Variants in PIANP observed in about 807,000 individuals in gnomAD.
PIANP encodes the protein PILR alpha-associated neural protein.
Under a neutral mutation model 28.9 loss-of-function variants are expected in PIANP, and 14 were observed. The observed-to-expected ratio is 0.49, with a 90% CI of 0.32 to 0.76. The LOEUF (loss-of-function observed/expected upper bound fraction) is 0.76. Among genes scored for constraint, PIANP ranks in the 30% least tolerant of loss-of-function variants. The pLI, the probability that PIANP is intolerant of heterozygous loss-of-function variation, is 0.03. For synonymous variants in PIANP, 149 were observed against 156.6 expected (o/e 0.95, Z 0.36); for missense variants, 322 against 371.8 (o/e 0.87, Z 1.10).
rs999402293 is a variant in PIANP at position 6,700,428 on chromosome 12, G to A, written c.-44+186C>T. On this transcript the variant is annotated intron_variant, in intron 1 of 4. Coordinates refer to ENST00000534837, the MANE Select transcript of PIANP (RefSeq NM_001244014.2). This position sits in a 1 kb window ranked among gnomAD's most constrained non-coding sequence, Gnocchi z 5.5. ...CGGGGACGGGGACGGCTGCGCCAGG[G>A]AGGGCGGGAGCGAGCCAGGACCGCG... The A allele has an allele frequency of 2.4e-4, 37 of 152,370 alleles. No homozygotes were observed. The highest frequency in any genetic ancestry group is 8.9e-4 in the African/African-American group (37 of 41,428). 9.4% of individuals were successfully genotyped at this position (152,370 alleles called of 1,614,324 possible).
Position 6,695,762 on chromosome 12 carries a change from C to A in PIANP, c.606-111G>T, listed in dbSNP as rs1055239158. On this transcript the variant is annotated intron_variant, in intron 4 of 4. Transcript: ENST00000534837. The surrounding 1 kb of genome is among the most constrained non-coding windows in gnomAD (Gnocchi z 4.2). ...CCCAGTCACTCCCAACATCTTATAG[C>A]AGAGAAACTGGCCTTTAACAGTTCT... The A allele has an allele frequency of 4.1e-6, 5 of 1,229,176 alleles. No individual in the cohort carries two copies. The highest frequency in any genetic ancestry group is 5.2e-6 in the Non-Finnish European group (5 of 956,240). 76.1% of individuals were successfully genotyped at this position (1,229,176 alleles called of 1,614,324 possible).
Position 6,696,783 on chromosome 12 carries a change from C to A in PIANP, c.524-259G>T, listed in dbSNP as rs188836221. 1.1e-3 allele frequency among the ~76,000 whole-genome samples: 168 copies of A among 152,328 alleles called. No homozygotes were observed. Among genetic ancestry groups the A allele is most frequent in the Non-Finnish European group, 1.4e-3 (94 of 68,038 alleles). On this transcript the variant is annotated intron_variant, in intron 3 of 4. Transcript: ENST00000534837. This position sits in a 1 kb window ranked among gnomAD's most constrained non-coding sequence, Gnocchi z 4.0. ...TGTGATGAGGATGAGGCCCCATGAT[C>A]AGCGAGAACCTATCACTATGCCTGG...
intron 1 of PIANP, chr12:6,698,337 C>A (rs1959941435): frequency 1.8e-6 from 1 of 570,428 alleles, no homozygotes. Context: ...TACCTCTCCA[C>A]CCCAGGGTCT....
At position 6,695,065 on chromosome 12, in the gene PIANP, G is replaced by A; in HGVS notation, c.*361C>T. 1 of 1,575,972 alleles carries A rather than the reference G, an allele frequency of 6.3e-7. No individual in the cohort carries two copies. The highest frequency in any genetic ancestry group is 1.2e-5 in the South Asian group (1 of 85,704). ...AGATTCACCAGGGGAATCCTGAGAG[G>A]AAGAGGGAAAGGGCACAGTCAGGAA... On this transcript the variant is annotated 3_prime_UTR_variant, in exon 5 of 5. Transcript: ENST00000534837. The surrounding 1 kb of genome is among the most constrained non-coding windows in gnomAD (Gnocchi z 4.2).
At chr12:6,693,292 C>T (rs1382182796), downstream of PIANP, among the ~76,000 whole-genome samples, 1 of 152,010 alleles carries the variant, frequency 6.6e-6, no homozygotes, top group East Asian at 1.9e-4. Context: ...TGATTCTGCA[C>T]AGCTTTTGGG....
Position 6,697,218 on chromosome 12 carries a change from A to G in PIANP, c.523+69T>C. The G allele has an allele frequency of 3.2e-6, 5 of 1,578,688 alleles. No homozygotes were observed. The highest frequency in any genetic ancestry group is 4.3e-6 in the Non-Finnish European group (5 of 1,166,762). On this transcript the variant is annotated intron_variant, in intron 3 of 4. Coordinates refer to ENST00000534837, the MANE Select transcript of PIANP (RefSeq NM_001244014.2). This position sits in a 1 kb window ranked among gnomAD's most constrained non-coding sequence, Gnocchi z 6.9. The stretch of plus-strand genomic sequence containing the variant: ...GAAGGAGCTAACAGACAAGGCCTCT[A>G]TTTCTGCCCCTTGGTGTCTTCACCC...
intron 1 of PIANP, among the ~76,000 whole-genome samples, chr12:6,698,681 G>A (rs1408996138): frequency 6.6e-6 from 1 of 152,194 alleles, no homozygotes; most frequent in African/African-American, 2.4e-5. Context: ...AGAGAGAGGT[G>A]AGTGGGAGAA....
At position 6,700,338 on chromosome 12, in the gene PIANP, T is replaced by TG. The variant is rs530044520; in HGVS notation, c.-44+275dup. 6.6e-6 allele frequency: 1 copy of TG among 152,322 alleles called. No individual in the cohort carries two copies. Among genetic ancestry groups the TG allele is most frequent in the East Asian group, 1.9e-4 (1 of 5,146 alleles). 9.4% of individuals were successfully genotyped at this position (152,322 alleles called of 1,614,324 possible). A position where few individuals can be genotyped will look rare whatever the true frequency, so the allele number is the denominator to read the frequency against. On this transcript the variant is annotated intron_variant, in intron 1 of 4. Coordinates refer to ENST00000534837, the MANE Select transcript of PIANP (RefSeq NM_001244014.2). This position sits in a 1 kb window ranked among gnomAD's most constrained non-coding sequence, Gnocchi z 5.5. ...GAGGCAGGGAGTGCCGAGAGCGGACTGGGGACCCGAAGCAGGAGACTGCGC... is the reference window on the plus strand; with the variant it reads ...GAGGCAGGGAGTGCCGAGAGCGGACTGGGGGACCCGAAGCAGGAGACTGCGC...
downstream of PIANP, among the ~76,000 whole-genome samples, chr12:6,692,886 T>A (rs187183777): frequency 6.6e-6 from 1 of 152,158 alleles, no homozygotes; most frequent in East Asian, 1.9e-4. Context: ...ACACAGACAT[T>A]CCTAACCTAG....
Position 6,695,335 on chromosome 12 carries a change from C to G in PIANP, c.*91G>C. On this transcript the variant is annotated 3_prime_UTR_variant, in exon 5 of 5. Coordinates refer to ENST00000534837, the MANE Select transcript of PIANP (RefSeq NM_001244014.2). This position sits in a 1 kb window ranked among gnomAD's most constrained non-coding sequence, Gnocchi z 4.2. ...GGGCTGTGGGAGGCCACGCCTGCCTCCTCACTACCCATCCAGAGGGCACCC... is the reference window on the plus strand; with the variant it reads ...GGGCTGTGGGAGGCCACGCCTGCCTGCTCACTACCCATCCAGAGGGCACCC... 2.1e-6 allele frequency: 3 copies of G among 1,404,462 alleles called. No homozygotes were observed. Among genetic ancestry groups the G allele is most frequent in the Non-Finnish European group, 2.8e-6 (3 of 1,074,450 alleles). 87.0% of individuals were successfully genotyped at this position (1,404,462 alleles called of 1,614,324 possible). A position where few individuals can be genotyped will look rare whatever the true frequency, so the allele number is the denominator to read the frequency against.
chr12:6,695,797 A>G lies in PIANP; in HGVS notation c.606-146T>C. Reference sequence around the variant, plus strand: ...GGCCTTTAACAGTTCTCTCTACTAAATCCCCTGGGACTCTGTGCCCATAAA... The same window carrying G: ...GGCCTTTAACAGTTCTCTCTACTAAGTCCCCTGGGACTCTGTGCCCATAAA... On this transcript the variant is annotated intron_variant, in intron 4 of 4. Transcript: ENST00000534837. This position sits in a 1 kb window ranked among gnomAD's most constrained non-coding sequence, Gnocchi z 4.2. 1 of 992,998 alleles carries G rather than the reference A, an allele frequency of 1.0e-6. No individual in the cohort carries two copies. Among genetic ancestry groups the G allele is most frequent in the Non-Finnish European group, 1.3e-6 (1 of 756,616 alleles). The allele number at this position is 992,998 out of a possible 1,614,324, so 61.5% of individuals were successfully genotyped here. A position where few individuals can be genotyped will look rare whatever the true frequency, so the allele number is the denominator to read the frequency against.
At position 6,694,812 on chromosome 12, in the gene PIANP, T is replaced by G. The variant is rs1959799153; in HGVS notation, c.*614A>C. On this transcript the variant is annotated 3_prime_UTR_variant, in exon 5 of 5. Transcript: ENST00000534837. The surrounding 1 kb of genome is among the most constrained non-coding windows in gnomAD (Gnocchi z 6.1). ...AGGCTTTCATGTGAGTGCACAAGGG[T>G]GGGGACAGGGACCCGAAGTCACAGA... The G allele has an allele frequency of 1.1e-5, 6 of 526,250 alleles. No homozygotes were observed. The South Asian group carries it at 1.7e-4, about 14-fold the overall frequency. 32.6% of individuals were successfully genotyped at this position (526,250 alleles called of 1,614,324 possible).
rs1959889397 is a variant in PIANP at position 6,697,141 on chromosome 12, GGGT to G, written c.523+143_523+145del. 25 of 1,190,100 alleles carry G rather than the reference GGGT, an allele frequency of 2.1e-5. No homozygotes were observed. Among genetic ancestry groups the G allele is most frequent in the Non-Finnish European group, 2.7e-5 (23 of 865,084 alleles). 73.7% of individuals were successfully genotyped at this position (1,190,100 alleles called of 1,614,324 possible). On this transcript the variant is annotated intron_variant, in intron 3 of 4. Coordinates refer to ENST00000534837, the MANE Select transcript of PIANP (RefSeq NM_001244014.2). This position sits in a 1 kb window ranked among gnomAD's most constrained non-coding sequence, Gnocchi z 6.9. ...GCTCCAGTGGACCTGAACTCCGAGAGGGTGTCTTTATCTCTGCATCCTGTGCCA... is the reference window on the plus strand; with the variant it reads ...GCTCCAGTGGACCTGAACTCCGAGAGGTCTTTATCTCTGCATCCTGTGCCA...
chr12:6,699,340 C>A (rs375532241), intron 1 of PIANP, among the ~76,000 whole-genome samples: 2 of 151,734 alleles, frequency 1.3e-5, no homozygotes, highest in East Asian at 3.9e-4. Flanking sequence ...GGGAAGCAGG[C>A]AGTGGGAGAG....
chr12:6,696,093 G>C lies in PIANP; in HGVS notation c.605+350C>G, dbSNP rs1300658601. ...CCATTATTAAATGTGTGCAAAGAAA[G>C]CTCCAGGTTTTCTTGCTCCCCCCAG... On this transcript the variant is annotated intron_variant, in intron 4 of 4. Coordinates refer to ENST00000534837, the MANE Select transcript of PIANP (RefSeq NM_001244014.2). The surrounding 1 kb of genome is among the most constrained non-coding windows in gnomAD (Gnocchi z 4.0). 6.6e-6 allele frequency among the ~76,000 whole-genome samples: 1 copy of C among 152,156 alleles called. No individual in the cohort carries two copies. Among genetic ancestry groups the C allele is most frequent in the African/African-American group, 2.4e-5 (1 of 41,426 alleles).
chr12:6,699,296 G>T (rs1218661453), intron 1 of PIANP, among the ~76,000 whole-genome samples: 1 of 152,078 alleles, frequency 6.6e-6, no homozygotes, highest in East Asian at 1.9e-4. Context: ...AGAACAACAA[G>T]GGAACAAGAT....
intron 1 of PIANP, chr12:6,698,494 G>A (rs1021204133): frequency 2.4e-5 from 6 of 249,262 alleles, no homozygotes; most frequent in Non-Finnish European, 4.8e-5. Flanking sequence ...GGAGGGATGG[G>A]GAAGTCAATC....
rs373607165 is a variant in PIANP, at chr12:6,694,729, C to T, written c.*697G>A. ...AGTCAGCTGAGCGGAGCGGTATGGA[C>T]GGGGAGAGGGTGCAGGAGCGTGTGC... On this transcript the variant is annotated 3_prime_UTR_variant, in exon 5 of 5. Transcript: ENST00000534837. The surrounding 1 kb of genome is among the most constrained non-coding windows in gnomAD (Gnocchi z 6.1). 26 of 358,740 alleles carry T rather than the reference C, an allele frequency of 7.2e-5. No individual in the cohort carries two copies. The highest frequency in any genetic ancestry group is 1.7e-4 in the East Asian group (4 of 23,500). 22.2% of individuals were successfully genotyped at this position (358,740 alleles called of 1,614,324 possible).
chr12:6,692,408 C>G (rs1042704300), downstream of PIANP, among the ~76,000 whole-genome samples: 2 of 152,208 alleles, frequency 1.3e-5, no homozygotes, highest in Non-Finnish European at 2.9e-5. Flanking sequence ...GCCAATGCTT[C>G]TCTTTTCTCC....
Sources: allele counts gnomAD v4.1 joint callset (sites outside exome capture counted in the v4.1 genomes callset), GRCh38; gene constraint gnomAD v4.1.1; non-coding constraint Gnocchi (gnomAD v3.1); transcripts MANE v1.5; gene names NCBI Gene and HGNC (gene_info 2026-07-23, HGNC 2026-07-21).